The following LIPA variants were observed in gnomAD, a reference collection of about 807,000 sequenced individuals.
The protein encoded by LIPA is lipase A, lysosomal acid type, also known as lysosomal acid lipase/cholesteryl ester hydrolase.
A neutral mutation model predicts 40.6 loss-of-function variants in LIPA; 26 were observed. The ratio of observed to expected loss-of-function variants is 0.64; its 90% confidence interval spans 0.47 to 0.89. The LOEUF (loss-of-function observed/expected upper bound fraction) is 0.89, where lower values mean the gene tolerates loss of function less well. Ranked by LOEUF, LIPA falls within the 40% of genes least tolerant of loss-of-function variation. The probability of loss-of-function intolerance (pLI) is 0.00; values close to 1 mark genes in which losing one functional copy is unlikely to be tolerated. For missense variants in LIPA, 455 were observed against 479.6 expected (o/e 0.95, Z 0.48); for synonymous variants, 188 against 168.4 (o/e 1.12, Z -0.90).
chr10:89,251,635 T>C (rs1843123969), intron 1 of LIPA, 102 bp downstream of exon 1: 1 of 152,158 alleles, frequency 6.6e-6, no homozygotes, highest in African/African-American at 2.4e-5. Context: ...CAGAGGGTCT[T>C]GCCGGCCGGC....
intron 1 of LIPA, among the ~76,000 whole-genome samples, chr10:89,304,900 A>T (rs7920187): frequency 0.027 from 4,176 of 152,172 alleles, 218 homozygotes; most frequent in African/African-American, 0.095. Context: ...TCTTTCTATA[A>T]GAAAAGGAGC....
chr10:89,222,795 C>T (rs1041546697), intron 7 of LIPA, among the ~76,000 whole-genome samples: 1 of 152,170 alleles, frequency 6.6e-6, no homozygotes, highest in Non-Finnish European at 1.5e-5. Context: ...GGTGCAACAA[C>T]ATGGTAAGCA....
chr10:89,318,770 G>T (rs1436580659), intron 1 of LIPA, among the ~76,000 whole-genome samples: 2 of 152,146 alleles, frequency 1.3e-5, no homozygotes, highest in African/African-American at 4.8e-5. Flanking sequence ...ATTCTTCTCA[G>T]CACCACATTG....
intron 1 of LIPA, chr10:89,339,935 A>G (rs1396867555): frequency 6.2e-7 from 1 of 1,614,120 alleles, no homozygotes; most frequent in Non-Finnish European, 8.5e-7. Context: ...ATTCATAAGC[A>G]GAATGGAGAT....
chr10:89,222,942 G>A (rs577440820), intron 7 of LIPA, among the ~76,000 whole-genome samples: 1 of 151,896 alleles, frequency 6.6e-6, no homozygotes, highest in Admixed American at 6.6e-5. Flanking sequence ...AATTCCTTAG[G>A]GCCTTTATTC....
intron 1 of LIPA, among the ~76,000 whole-genome samples, chr10:89,324,437 T>TA (rs1417063374): frequency 1.3e-5 from 2 of 152,100 alleles, no homozygotes; most frequent in Non-Finnish European, 2.9e-5. Flanking sequence ...ACCTAGGAAA[T>TA]ACGATTCTCA....
chr10:89,342,122 T>C (rs1261661315), intron 1 of LIPA, among the ~76,000 whole-genome samples: 1 of 152,080 alleles, frequency 6.6e-6, no homozygotes, highest in African/African-American at 2.4e-5. Context: ...TAATGGGGGG[T>C]AACTGCAGCT....
chr10:89,243,712 T>C (rs971346327), intron 3 of LIPA, among the ~76,000 whole-genome samples: 2 of 152,200 alleles, frequency 1.3e-5, no homozygotes, highest in African/African-American at 4.8e-5. Context: ...ATGCTCACTT[T>C]CTTCATATTC....
chr10:89,411,509 C>G (rs1318827544), intron 2 of LIPA, among the ~76,000 whole-genome samples: 2 of 152,096 alleles, frequency 1.3e-5, no homozygotes, highest in Non-Finnish European at 2.9e-5. Context: ...AATTGAAATC[C>G]CAAACTTACA....
chr10:89,410,957 CAAAG>C (rs1841465298), intron 2 of LIPA, among the ~76,000 whole-genome samples: 1 of 152,120 alleles, frequency 6.6e-6, no homozygotes, highest in African/African-American at 2.4e-5. Flanking sequence ...ACGAAGAAGT[CAAAG>C]AGAGAGATAG....
chr10:89,280,760 GTTA>G (rs1325992500), intron 1 of LIPA, among the ~76,000 whole-genome samples: 1 of 152,128 alleles, frequency 6.6e-6, no homozygotes, highest in African/African-American at 2.4e-5. Flanking sequence ...CTTCTTCCTC[GTTA>G]TTATTCCAAA....
chr10:89,285,135 G>C (rs543525088), intron 1 of LIPA: 1 of 159,316 alleles, frequency 6.3e-6, no homozygotes, highest in East Asian at 1.8e-4. Context: ...GCCGTGACTC[G>C]GATCGGGGAA....
chr10:89,310,353 T>C (rs1589597332), intron 1 of LIPA, among the ~76,000 whole-genome samples: 1 of 152,126 alleles, frequency 6.6e-6, no homozygotes, highest in East Asian at 1.9e-4. Flanking sequence ...CCAATACAAC[T>C]GGATCCAGTG....
At chr10:89,327,697 C>CA (rs1365716256) in intron 1 of LIPA, among the ~76,000 whole-genome samples, 1 of 152,160 alleles carries the variant, frequency 6.6e-6, no homozygotes, top group Non-Finnish European at 1.5e-5. Flanking sequence ...AGCAGGGGTC[C>CA]AGTCACATGG....
chr10:89,332,496 T>A, intron 1 of LIPA: 1 of 1,571,054 alleles, frequency 6.4e-7, no homozygotes, highest in South Asian at 1.2e-5. Flanking sequence ...TCCTTTCCCC[T>A]TTCATAAAAG....
chr10:89,331,159 T>C (rs1034268512), intron 1 of LIPA, among the ~76,000 whole-genome samples: 3 of 151,892 alleles, frequency 2.0e-5, no homozygotes, highest in African/African-American at 7.3e-5. Context: ...TCTCTTGTTG[T>C]TGTTGTTTTT....
intron 1 of LIPA, among the ~76,000 whole-genome samples, chr10:89,335,079 T>C (rs1194633200): frequency 7.2e-5 from 11 of 152,128 alleles, no homozygotes; most frequent in Admixed American, 7.2e-4. Context: ...CCAATATATT[T>C]TGCTCCAAAT....
chr10:89,281,988 G>A (rs981214924), intron 1 of LIPA, among the ~76,000 whole-genome samples: 5 of 152,120 alleles, frequency 3.3e-5, no homozygotes, highest in Non-Finnish European at 5.9e-5. Context: ...TGTTCCATGT[G>A]CATTCACATG....
intron 2 of LIPA, among the ~76,000 whole-genome samples, chr10:89,411,187 G>A (rs1841466623): frequency 6.7e-6 from 1 of 148,472 alleles, no homozygotes; most frequent in Admixed American, 6.7e-5. Flanking sequence ...TTCCTAACAG[G>A]GGATCTAAAT....
Sources: allele counts gnomAD v4.1 joint callset (sites outside exome capture counted in the v4.1 genomes callset), GRCh38; gene constraint gnomAD v4.1.1; transcripts MANE v1.5; gene names NCBI Gene and HGNC (gene_info 2026-07-23, HGNC 2026-07-21).